Variants in BPTF observed in about 807,000 individuals in gnomAD.
BPTF encodes nucleosome-remodeling factor subunit BPTF.
BPTF carries 18 observed loss-of-function variants against 292.5 expected under a neutral mutation model. The observed-to-expected ratio is 0.06, with a 90% CI of 0.04 to 0.09. The LOEUF is 0.09. BPTF is among the 10% of genes least tolerant of loss of function. The pLI is 1.00. For synonymous variants in BPTF, 1,225 were observed against 1,251.9 expected, an observed-to-expected ratio of 0.98 and a Z score of 0.45; for missense variants, 2,726 against 3,498.7, an observed-to-expected ratio of 0.78 and a Z score of 5.57.
chr17:67,884,151 T>C (rs1214850926), intron 4 of BPTF, among the ~76,000 whole-genome samples: 2 of 151,384 alleles, frequency 1.3e-5, no homozygotes, highest in African/African-American at 4.8e-5. Flanking sequence ...TTTTTTTTTT[T>C]TTTTTTGAAA....
chr17:67,921,648 T>G (rs1276770099), intron 13 of BPTF, among the ~76,000 whole-genome samples: 1 of 152,210 alleles, frequency 6.6e-6, no homozygotes, highest in African/African-American at 2.4e-5. Flanking sequence ...TTGATTAAAT[T>G]AACTTGGGAG....
At chr17:67,885,425 A>T (rs1005899948) in intron 4 of BPTF, among the ~76,000 whole-genome samples, 2 of 152,120 alleles carry the variant, frequency 1.3e-5, no homozygotes, top group Non-Finnish European at 2.9e-5. Flanking sequence ...CTCTACCAAA[A>T]ATATAAAAGA....
Position 67,903,836 on chromosome 17 carries a change from A to G in BPTF, c.2591A>G (p.Lys864Arg), listed in dbSNP as rs780482446. 1 of 1,590,768 alleles carries G rather than the reference A, an allele frequency of 6.3e-7. No individual in the cohort carries two copies. Among genetic ancestry groups the G allele is most frequent in the South Asian group, 1.2e-5 (1 of 85,926 alleles). Residue 864 changes from lysine (K) to arginine (R), a missense_variant, in exon 8 of 28, where the codon AAA (lysine) becomes AGA (arginine). This residue lies in a region of BPTF where 99 missense variants were observed against 227.1 expected (regional missense o/e 0.44). Transcript: ENST00000306378. Reference sequence around the variant, plus strand: ...GAAAGAGAAGAAAAGGAGAAAGTCAAAAAAAAAGAGAAGAAACAGGAAGAA... The same window carrying G: ...GAAAGAGAAGAAAAGGAGAAAGTCAGAAAAAAAGAGAAGAAACAGGAAGAA... ...SIEREEKEKV[K>R]KKEKKQEEEE...
chr17:67,908,857 C>T (rs111857534), intron 9 of BPTF, among the ~76,000 whole-genome samples: 12,458 of 112,232 alleles, frequency 0.11, 2,137 homozygotes, highest in African/African-American at 0.38. Flanking sequence ...TTTGTTGACA[C>T]GGAGTCTCAC....
chr17:67,980,452 T>C (rs1555696244), intron 27 of BPTF, among the ~76,000 whole-genome samples: 1 of 152,254 alleles, frequency 6.6e-6, no homozygotes, highest in African/African-American at 2.4e-5. Context: ...AACTTCTCAT[T>C]ATAAGCCCCT....
At chr17:67,932,615 C>T (rs184635513) in intron 18 of BPTF, among the ~76,000 whole-genome samples, 5 of 152,246 alleles carry the variant, frequency 3.3e-5, no homozygotes, top group East Asian at 1.9e-4. Flanking sequence ...GTGGAAGAAT[C>T]GCTTGAAACC....
intron 24 of BPTF, 90 bp downstream of exon 24, chr17:67,959,965 T>C (rs967582555): frequency 2.0e-6 from 2 of 998,430 alleles, no homozygotes; most frequent in Non-Finnish European, 2.9e-6. Flanking sequence ...TTGGGAGTGA[T>C]ATAAATGAAA....
intron 18 of BPTF, among the ~76,000 whole-genome samples, chr17:67,936,991 C>G (rs952108193): frequency 1.3e-5 from 2 of 152,134 alleles, no homozygotes; most frequent in African/African-American, 4.8e-5. Context: ...GTGCCAGATG[C>G]TGTTCCAGGC....
rs577195968 is a variant in BPTF at position 67,892,093 on chromosome 17, C to G, written c.2055+59C>G. 450 of 1,274,538 alleles carry G rather than the reference C, an allele frequency of 3.5e-4. 1 individual carries two copies. In the African/African-American group the frequency reaches 6.5e-3, roughly 18 times the overall value. 79.0% of individuals were successfully genotyped at this position (1,274,538 alleles called of 1,614,324 possible). On this transcript the variant is annotated intron_variant, in intron 5 of 27. Coordinates refer to ENST00000306378, the MANE Select transcript of BPTF (RefSeq NM_182641.4). ...GAATGTGAGATAATTTTAATTACCA[C>G]ACCTTAAAAATAGGGGCTGGAAATT...
chr17:67,911,362 C>G lies in BPTF; in HGVS notation c.3478C>G (p.Leu1160Val). 1 of 1,614,080 alleles carries G rather than the reference C, an allele frequency of 6.2e-7. No individual in the cohort carries two copies. Among genetic ancestry groups the G allele is most frequent in the Non-Finnish European group, 8.5e-7 (1 of 1,180,008 alleles). The change falls in exon 11 of 28, where the codon CTT (leucine) becomes GTT (valine). Residue 1160 changes from leucine to valine, a missense_variant. Coordinates refer to ENST00000306378, the MANE Select transcript of BPTF (RefSeq NM_182641.4). ...MSDPSHTTNK[L>V]YPKDRVLDDV... ...TGATCCTAGTCATACCACAAACAAA[C>G]TTTATCCAAAAGATCGAGTGTTAGA... is the stretch of plus-strand genomic sequence containing the variant.
Position 67,874,934 on chromosome 17 carries a change from A to C in BPTF, c.1778A>C (p.Asn593Thr). 1 of 1,613,944 alleles carries C rather than the reference A, an allele frequency of 6.2e-7. No homozygotes were observed. Among genetic ancestry groups the C allele is most frequent in the Non-Finnish European group, 8.5e-7 (1 of 1,179,908 alleles). Residue 593 changes from asparagine (N) to threonine (T), a missense_variant, in exon 4 of 28, where the codon AAC becomes ACC. Coordinates refer to ENST00000306378, the MANE Select transcript of BPTF (RefSeq NM_182641.4). ...TENDSKDAEK[N>T]REEFEDQSLE... ...AATGACTCTAAAGATGCTGAGAAAAACAGAGAAGAATTTGAAGACCAGTCC... is the reference window on the plus strand; with the variant it reads ...AATGACTCTAAAGATGCTGAGAAAACCAGAGAAGAATTTGAAGACCAGTCC...
intron 3 of BPTF, among the ~76,000 whole-genome samples, chr17:67,872,870 G>C (rs1346302151): frequency 6.6e-6 from 1 of 152,020 alleles, no homozygotes; most frequent in African/African-American, 2.4e-5. Context: ...GCCAAGGCAC[G>C]GGGGAGTTCA....
At chr17:67,837,413 G>GT (rs57947185) in intron 1 of BPTF, among the ~76,000 whole-genome samples, 4,838 of 143,620 alleles carry the variant, frequency 0.034, 213 homozygotes, top group African/African-American at 0.1. Flanking sequence ...TATGTGTTTT[G>GT]TTTTTTTTTT....
At chr17:67,920,268 A>C in intron 13 of BPTF, 125 bp downstream of exon 13, 1 of 1,081,264 alleles carries the variant, frequency 9.2e-7, no homozygotes, top group Non-Finnish European at 1.3e-6. Context: ...CAACTACCAA[A>C]TTTTGAAAAT....
At chr17:67,950,875 C>A (rs1555678232) in intron 23 of BPTF, 2 of 151,476 alleles carry the variant, frequency 1.3e-5, no homozygotes, top group African/African-American at 4.9e-5. Flanking sequence ...TAGTCAGTTA[C>A]AAGATAAGCA....
chr17:67,874,649 C>T (rs2059945455), intron 3 of BPTF, among the ~76,000 whole-genome samples, 168 bp from the exon 4 acceptor site: 2 of 152,072 alleles, frequency 1.3e-5, no homozygotes, highest in Admixed American at 6.5e-5. Context: ...ATTCTGTAAA[C>T]ACAATTTTGT....
Position 67,934,727 on chromosome 17 carries a change from C to G in BPTF, c.6259+2708C>G, listed in dbSNP as rs947860099. 5.3e-5 allele frequency among the ~76,000 whole-genome samples: 8 copies of G among 151,784 alleles called. No individual in the cohort carries two copies. In the South Asian group the frequency reaches 1.2e-3, roughly 24 times the overall value. ...CCTGTACTAAAAATATAAAAATTAGCTGGGTGTGGTGGTGCACACCTGTAG... is the reference window on the plus strand; with the variant it reads ...CCTGTACTAAAAATATAAAAATTAGGTGGGTGTGGTGGTGCACACCTGTAG... On this transcript the variant is annotated intron_variant, in intron 18 of 27. Coordinates refer to ENST00000306378, the MANE Select transcript of BPTF (RefSeq NM_182641.4).
At chr17:67,841,068 A>G (rs1490283881) in intron 1 of BPTF, among the ~76,000 whole-genome samples, 1 of 152,084 alleles carries the variant, frequency 6.6e-6, no homozygotes, top group Admixed American at 6.6e-5. Flanking sequence ...GGGTTCGTCT[A>G]ACAACTCTCC....
chr17:67,837,963 G>A (rs2057261981), intron 1 of BPTF, among the ~76,000 whole-genome samples: 1 of 152,194 alleles, frequency 6.6e-6, no homozygotes, highest in African/African-American at 2.4e-5. Flanking sequence ...CTTAACTTGA[G>A]TTTGGACCAT....
Sources: gnomAD v4.1 joint callset for allele counts (sites outside exome capture counted in the v4.1 genomes callset) on GRCh38, gnomAD v4.1.1 for gene constraint, gnomAD v4.1.1 regional missense constraint, MANE v1.5 for transcripts, NCBI Gene and HGNC (gene_info 2026-07-23, HGNC 2026-07-21) for gene names.